The following RBM34 variants were observed in gnomAD, a reference collection of about 807,000 sequenced individuals.
RBM34 encodes RNA binding motif protein 34.
In RBM34, 39 loss-of-function variants were observed where a neutral mutation model predicts 44.6. The ratio of observed to expected loss-of-function variants is 0.87; its 90% confidence interval spans 0.68 to 1.14. The LOEUF (loss-of-function observed/expected upper bound fraction) is 1.14. Ranked by LOEUF, RBM34 falls within the 50% of genes most tolerant of loss-of-function variation. The pLI, the probability that RBM34 is intolerant of heterozygous loss-of-function variation, is 0.00. For synonymous variants in RBM34, 194 were observed against 184.0 expected, an observed-to-expected ratio of 1.05 and a Z score of -0.44; for missense variants, 572 against 517.9, an observed-to-expected ratio of 1.10 and a Z score of -1.01.
At position 235,154,880 on chromosome 1, in the gene RBM34, CCTT is replaced by C. The variant is rs777289472; in HGVS notation, c.595_597del (p.Lys200del). 75 of 1,609,182 alleles carry C rather than the reference CCTT, an allele frequency of 4.7e-5. No individual in the cohort carries two copies. Among genetic ancestry groups the C allele is most frequent in the African/African-American group, 1.3e-4 (10 of 74,792 alleles). ...TGAACTTTTACCATATACAAACTCA[CCTT>C]CTTATTACATGTAACAGGCAAATTC... On this transcript the variant is annotated inframe_deletion and splice_region_variant, in exon 4 of 11. Coordinates refer to ENST00000408888, the MANE Select transcript of RBM34 (RefSeq NM_015014.4).
intron 10 of RBM34, among the ~76,000 whole-genome samples, chr1:235,133,266 G>C (rs1237967237): frequency 1.3e-5 from 2 of 152,182 alleles, no homozygotes; most frequent in East Asian, 3.8e-4. Context: ...GCTAGAGCCT[G>C]GGAGGCAGAG....
At chr1:235,144,406 A>G (rs112790001) in intron 6 of RBM34, among the ~76,000 whole-genome samples, 4 of 151,412 alleles carry the variant, frequency 2.6e-5, no homozygotes, top group African/African-American at 7.3e-5. Context: ...TATCTGGACT[A>G]TGGCAGTGGT....
intron 3 of RBM34, among the ~76,000 whole-genome samples, chr1:235,155,366 G>A (rs1662354266): frequency 6.6e-6 from 1 of 151,562 alleles, no homozygotes; most frequent in Non-Finnish European, 1.5e-5. Flanking sequence ...CTTTGAGACA[G>A]GGTCTTGCTC....
intron 10 of RBM34, 74 bp from the exon 11 acceptor site, chr1:235,132,071 T>TG: frequency 7.2e-7 from 1 of 1,384,268 alleles, no homozygotes; most frequent in South Asian, 1.4e-5. Flanking sequence ...AGTGTCACTT[T>TG]AACAGATGAG....
At chr1:235,158,627 G>C (rs931138771) in intron 3 of RBM34, among the ~76,000 whole-genome samples, 10 of 151,984 alleles carry the variant, frequency 6.6e-5, no homozygotes, top group African/African-American at 2.4e-4. Context: ...AGTTTAAATA[G>C]GACAAAAAGT....
At chr1:235,155,816 C>CATATACATAT (rs1553275288) in intron 3 of RBM34, among the ~76,000 whole-genome samples, 27 of 72,738 alleles carry the variant, frequency 3.7e-4, no homozygotes, top group Non-Finnish European at 5.7e-4. Flanking sequence ...TTTATACATA[C>CATATACATAT]ATATACATAT....
intron 5 of RBM34, 142 bp downstream of exon 5, chr1:235,152,564 C>A: frequency 7.1e-7 from 1 of 1,409,854 alleles, no homozygotes; most frequent in African/African-American, 1.5e-5. Context: ...ATAGTAAGAG[C>A]AACTCTTTTC....
intron 6 of RBM34, among the ~76,000 whole-genome samples, chr1:235,144,742 T>G (rs1387489769): frequency 1.3e-5 from 2 of 151,902 alleles, no homozygotes; most frequent in Non-Finnish European, 2.9e-5. Context: ...CAACACTCTA[T>G]CTCTTAAAAA....
chr1:235,139,294 G>A (rs1447074751), intron 6 of RBM34, among the ~76,000 whole-genome samples: 1 of 152,178 alleles, frequency 6.6e-6, no homozygotes, highest in Admixed American at 6.6e-5. Context: ...ATGGCATTCT[G>A]TAATAATACA....
chr1:235,138,066 G>C (rs759910884), intron 7 of RBM34, 25 bp downstream of exon 7: 2 of 1,584,604 alleles, frequency 1.3e-6, no homozygotes, highest in Non-Finnish European at 1.7e-6. Flanking sequence ...CAATTATTCT[G>C]TTCAAACCTA....
chr1:235,160,685 C>G (rs754785452), intron 2 of RBM34, 38 bp from the exon 3 acceptor site: 246 of 1,595,664 alleles, frequency 1.5e-4, no homozygotes, highest in Non-Finnish European at 1.9e-4. Flanking sequence ...AGACCCCATA[C>G]TTCTAGAATT....
chr1:235,140,275 G>A (rs1027529964), intron 6 of RBM34, among the ~76,000 whole-genome samples: 7 of 152,218 alleles, frequency 4.6e-5, no homozygotes, highest in African/African-American at 1.7e-4. Flanking sequence ...AGCTTGCAGG[G>A]AGGTGTGGAG....
At chr1:235,145,133 C>T (rs1413038558) in intron 6 of RBM34, among the ~76,000 whole-genome samples, 1 of 152,130 alleles carries the variant, frequency 6.6e-6, no homozygotes, top group African/African-American at 2.4e-5. Flanking sequence ...ATTTCATGAA[C>T]ATCCCACAGA....
intron 4 of RBM34, among the ~76,000 whole-genome samples, chr1:235,153,614 A>G (rs894825435): frequency 2.6e-5 from 4 of 151,958 alleles, no homozygotes; most frequent in Admixed American, 6.6e-5. Context: ...TTAGTAGAGA[A>G]GCGGTTTCAC....
At chr1:235,139,163 T>G (rs922458027) in intron 6 of RBM34, among the ~76,000 whole-genome samples, 1 of 152,208 alleles carries the variant, frequency 6.6e-6, no homozygotes, top group Non-Finnish European at 1.5e-5. Context: ...AAAAAGGACC[T>G]AGTAATGAAC....
At chr1:235,134,247 C>T (rs535904964) in intron 10 of RBM34, among the ~76,000 whole-genome samples, 10 of 152,210 alleles carry the variant, frequency 6.6e-5, no homozygotes, top group African/African-American at 2.4e-4. Flanking sequence ...TAGTCTTGAA[C>T]TCCTGGGCTC....
At chr1:235,148,765 A>AT (rs1662024581) in intron 5 of RBM34, among the ~76,000 whole-genome samples, 1 of 151,798 alleles carries the variant, frequency 6.6e-6, no homozygotes, top group East Asian at 2.0e-4. Flanking sequence ...CGCCCGGCTA[A>AT]TTTTTTGTAT....
At chr1:235,146,516 A>T (rs1265933149) in intron 6 of RBM34, among the ~76,000 whole-genome samples, 3 of 152,228 alleles carry the variant, frequency 2.0e-5, no homozygotes, top group African/African-American at 7.2e-5. Context: ...TATGCGTATC[A>T]GTTTTTAAAT....
chr1:235,142,650 G>C (rs1266442865), intron 6 of RBM34, among the ~76,000 whole-genome samples: 1 of 151,892 alleles, frequency 6.6e-6, no homozygotes, highest in African/African-American at 2.4e-5. Flanking sequence ...ACCTCTGGGC[G>C]TGTGTGGTGG....
Sources: gnomAD v4.1 joint callset for allele counts (sites outside exome capture counted in the v4.1 genomes callset) on GRCh38, gnomAD v4.1.1 for gene constraint, MANE v1.5 for transcripts, NCBI Gene and HGNC (gene_info 2026-07-23, HGNC 2026-07-21) for gene names.